Variants in USH2A observed in about 807,000 individuals in gnomAD.
USH2A encodes the protein Usher syndrome 2A (autosomal recessive, mild).
In USH2A, 443 loss-of-function variants were observed where a neutral mutation model predicts 538.9. That is an observed-to-expected ratio of 0.82 (90% confidence interval 0.76 to 0.89). The LOEUF is 0.89. Among genes scored for constraint, USH2A ranks in the 40% least tolerant of loss-of-function variants. The pLI is 0.00. For synonymous variants in USH2A, 2,413 were observed against 2,273.5 expected, an observed-to-expected ratio of 1.06 and a Z score of -1.75; for missense variants, 6,633 against 6,324.8, an observed-to-expected ratio of 1.05 and a Z score of -1.65.
rs2032461643 is a variant in USH2A, at chr1:216,097,197, A to G, written c.4644T>C (p.Phe1548=). 3 of 1,614,178 alleles carry G rather than the reference A, an allele frequency of 1.9e-6. No individual in the cohort carries two copies. The highest frequency in any genetic ancestry group is 8.5e-7 in the Non-Finnish European group (1 of 1,180,004). The change falls in exon 22 of 72, where the codon TTT becomes TTC. Residue 1548 remains phenylalanine, a synonymous_variant. Coordinates refer to ENST00000307340, the MANE Select transcript of USH2A (RefSeq NM_206933.4). The part of the protein sequence containing the change: ...NTDFTGIKAS[F]RTKVPEGLIV... ...TCAAACCTTCAGGCACTTTTGTTCG[A>G]AAGCTGGCCTTAATGCCTGGTAAGA...
Position 215,680,290 on chromosome 1 carries a change from T to TAA in USH2A, c.12152_12153insTT (p.Glu4051AspfsTer2), listed in dbSNP as rs1064793289. 4.3e-6 allele frequency: 7 copies of TAA among 1,614,042 alleles called. No homozygotes were observed. The highest frequency in any genetic ancestry group is 5.1e-6 in the Non-Finnish European group (6 of 1,180,018). On this transcript the variant is annotated frameshift_variant, in exon 62 of 72. Coordinates refer to ENST00000307340, the MANE Select transcript of USH2A (RefSeq NM_206933.4). LOFTEE classifies it high-confidence loss of function. ...GAATCAGAGTCCAAGGGCTTAAAAT[T>TAA]TCTCCTGCATGGTTTGCAGCCACAA...
chr1:215,967,929 G>A (rs1667394985), intron 36 of USH2A, among the ~76,000 whole-genome samples: 1 of 152,048 alleles, frequency 6.6e-6, no homozygotes, highest in Non-Finnish European at 1.5e-5. Flanking sequence ...TCCAATGAAT[G>A]TTACAATACA....
At chr1:216,420,891 T>C (rs574632226) in intron 2 of USH2A, among the ~76,000 whole-genome samples, 1 of 152,288 alleles carries the variant, frequency 6.6e-6, no homozygotes, top group East Asian at 1.9e-4. Flanking sequence ...ACCAAAAACA[T>C]TTAAGTCCTA....
intron 9 of USH2A, among the ~76,000 whole-genome samples, chr1:216,310,536 TC>T (rs1226637054): frequency 6.6e-6 from 1 of 152,158 alleles, no homozygotes; most frequent in Non-Finnish European, 1.5e-5. Context: ...TTCTTTGTGT[TC>T]TTTTTTTCTC....
intron 9 of USH2A, among the ~76,000 whole-genome samples, chr1:216,312,172 A>AT (rs201862708): frequency 0.075 from 10,890 of 145,880 alleles, 437 homozygotes; most frequent in Middle Eastern, 0.12. Flanking sequence ...TTCTAGGTGG[A>AT]TTTTTTTTTT....
At chr1:216,060,329 T>C (rs1338591804) in intron 30 of USH2A, among the ~76,000 whole-genome samples, 1 of 152,328 alleles carries the variant, frequency 6.6e-6, no homozygotes, top group South Asian at 2.1e-4. Context: ...GAGTCACTAA[T>C]TATTACAGTA....
intron 23 of USH2A, among the ~76,000 whole-genome samples, chr1:216,088,487 C>A (rs2032202209): frequency 6.6e-6 from 1 of 152,016 alleles, no homozygotes; most frequent in Admixed American, 6.6e-5. Flanking sequence ...TAATAAAAGC[C>A]TGCATCATTA....
intron 64 of USH2A, among the ~76,000 whole-genome samples, chr1:215,653,380 C>T (rs1300791053): frequency 6.6e-6 from 1 of 152,154 alleles, no homozygotes; most frequent in African/African-American, 2.4e-5. Context: ...GGCAGGAGTC[C>T]TTCATAATAC....
rs1283598361 is a variant in USH2A at position 215,888,496 on chromosome 1, G to C, written c.8153C>G (p.Thr2718Ser). The C allele has an allele frequency of 1.2e-6, 2 of 1,613,976 alleles. No homozygotes were observed. The highest frequency in any genetic ancestry group is 2.7e-5 in the African/African-American group (2 of 74,948). Reference protein sequence around the residue: ...GTNSSAWVEVTTRPSRPAGVQ... With the variant: ...GTNSSAWVEVSTRPSRPAGVQ... ...CCCAGCAGGTCGTGAGGGTCTTGTG[G>C]TAACTTCTACCCAAGCACTGCTGTT... The change falls in exon 41 of 72, where the codon ACC becomes AGC. Residue 2718 changes from threonine (T) to serine (S), a missense_variant. By Grantham distance (58) the Thr-to-Ser change is moderately conservative (BLOSUM62 1). Transcript: ENST00000307340.
At chr1:216,277,751 G>A (rs1294129279) in intron 11 of USH2A, among the ~76,000 whole-genome samples, 1 of 152,046 alleles carries the variant, frequency 6.6e-6, no homozygotes, top group Admixed American at 6.6e-5. Context: ...ATCATCAATG[G>A]CAATGATAGC....
At chr1:215,841,954 T>A (rs891108864) in intron 46 of USH2A, among the ~76,000 whole-genome samples, 26 of 152,128 alleles carry the variant, frequency 1.7e-4, no homozygotes, top group Admixed American at 6.6e-5. Flanking sequence ...TATATTTATA[T>A]TAAAAAGAGG....
At chr1:216,188,512 T>C (rs571799204) in intron 20 of USH2A, among the ~76,000 whole-genome samples, 26 of 151,998 alleles carry the variant, frequency 1.7e-4, no homozygotes, top group African/African-American at 6.3e-4. Flanking sequence ...ATAATGTTAT[T>C]GAAAATGTTA....
chr1:216,171,978 G>T (rs1042760844), intron 21 of USH2A, among the ~76,000 whole-genome samples: 1 of 151,954 alleles, frequency 6.6e-6, no homozygotes, highest in Admixed American at 6.6e-5. Context: ...GAAAAGAAAA[G>T]GAAGCAAAAA....
chr1:216,358,860 T>C (rs1280933840), intron 4 of USH2A, among the ~76,000 whole-genome samples: 1 of 152,154 alleles, frequency 6.6e-6, no homozygotes, highest in Non-Finnish European at 1.5e-5. Context: ...GTTCACACTG[T>C]TCTTTTGAAG....
Position 215,924,247 on chromosome 1 carries a change from T to C in USH2A, c.7300+10369A>G, listed in dbSNP as rs369629580. ...AGTGGTTGTAAGTGAATTTCCCTAC[T>C]GTTGTCAAAATCTATTCTTCCTTAA... On this transcript the variant is annotated intron_variant, in intron 38 of 71. Coordinates refer to ENST00000307340, the MANE Select transcript of USH2A (RefSeq NM_206933.4). Among the ~76,000 whole-genome samples, 15 of 152,242 alleles carry C rather than the reference T, an allele frequency of 9.9e-5. No individual in the cohort carries two copies. The East Asian group carries it at 1.5e-3, about 16-fold the overall frequency.
At position 215,804,707 on chromosome 1, in the gene USH2A, A is replaced by C. The variant is rs1571703524; in HGVS notation, c.9740-5582T>G. Among the ~76,000 whole-genome samples the C allele has an allele frequency of 2.6e-5, 4 of 152,148 alleles. No individual in the cohort carries two copies. The South Asian group carries it at 6.2e-4, about 24-fold the overall frequency. On this transcript the variant is annotated intron_variant, in intron 49 of 71. Transcript: ENST00000307340. ...AGTGGGACTGTAAACTAGTTCAACC[A>C]TTGTGGAAGTCAGTGTGGCGATTCC...
intron 9 of USH2A, among the ~76,000 whole-genome samples, chr1:216,314,185 G>C (rs1240053669): frequency 1.3e-5 from 2 of 151,798 alleles, no homozygotes; most frequent in Non-Finnish European, 2.9e-5. Flanking sequence ...CTTCTGTAAG[G>C]CTGTCTTAAT....
chr1:215,952,095 A>G (rs1183505826), intron 37 of USH2A, among the ~76,000 whole-genome samples: 6 of 149,804 alleles, frequency 4.0e-5, no homozygotes, highest in African/African-American at 1.5e-4. Flanking sequence ...CGATCTCCTG[A>G]CCTCATGATC....
intron 21 of USH2A, among the ~76,000 whole-genome samples, chr1:216,173,690 G>A (rs1345353587): frequency 6.6e-6 from 1 of 152,076 alleles, no homozygotes; most frequent in African/African-American, 2.4e-5. Flanking sequence ...ATTTATTAAC[G>A]GTGGACGGGC....
Sources: allele counts gnomAD v4.1 joint callset (sites outside exome capture counted in the v4.1 genomes callset), GRCh38; gene constraint gnomAD v4.1.1; transcripts MANE v1.5; gene names NCBI Gene and HGNC (gene_info 2026-07-23, HGNC 2026-07-21).